Variants in SDR16C5 observed in about 807,000 individuals in gnomAD.
SDR16C5 encodes short chain dehydrogenase/reductase family 16C member 5, also known as epidermal retinol dehydrogenase 2.
In SDR16C5, 20 loss-of-function variants were observed where a neutral mutation model predicts 27.7. The ratio of observed to expected loss-of-function variants is 0.72; its 90% CI spans 0.51 to 1.05. The LOEUF (loss-of-function observed/expected upper bound fraction) is 1.05. SDR16C5 is among the 50% of genes least tolerant of loss of function. The pLI, the probability that SDR16C5 is intolerant of heterozygous loss-of-function variation, is 0.00. For missense variants in SDR16C5, 374 were observed against 366.3 expected (o/e 1.02, Z -0.17); for synonymous variants, 139 against 132.3 (o/e 1.05, Z -0.35).
At chr8:56,311,229 T>C (rs1231486928) in intron 3 of SDR16C5, among the ~76,000 whole-genome samples, 1 of 152,012 alleles carries the variant, frequency 6.6e-6, no homozygotes, top group Non-Finnish European at 1.5e-5. Flanking sequence ...GCTTGGCCAA[T>C]GTGGTGAAAC....
intron 3 of SDR16C5, among the ~76,000 whole-genome samples, chr8:56,309,825 T>C (rs1283407800): frequency 1.3e-5 from 2 of 152,072 alleles, no homozygotes; most frequent in Non-Finnish European, 2.9e-5. Context: ...GGGTCTGCCA[T>C]GAGTTGGGAC....
chr8:56,315,180 G>T (rs1415079260), intron 2 of SDR16C5, among the ~76,000 whole-genome samples: 1 of 152,006 alleles, frequency 6.6e-6, no homozygotes, highest in Non-Finnish European at 1.5e-5. Flanking sequence ...AGGAGACAGA[G>T]GTTGTGGTGA....
chr8:56,301,462 T>C lies in SDR16C5; in HGVS notation c.*18A>G. 2 of 1,568,058 alleles carry C rather than the reference T, an allele frequency of 1.3e-6. No individual in the cohort carries two copies. Among genetic ancestry groups the C allele is most frequent in the Non-Finnish European group, 8.8e-7 (1 of 1,138,046 alleles). On this transcript the variant is annotated 3_prime_UTR_variant, in exon 7 of 7. Transcript: ENST00000303749. ...TGTAACACTGTGTATCAGATGACCT[T>C]AGCCATAGAGTTGGTCTTTAGAGCT...
intron 2 of SDR16C5, among the ~76,000 whole-genome samples, chr8:56,312,786 T>G (rs915163108): frequency 6.6e-6 from 1 of 151,340 alleles, no homozygotes; most frequent in Non-Finnish European, 1.5e-5. Context: ...AGTTTTTTTT[T>G]TTTTTTTTGA....
rs923478032 is a variant in SDR16C5 at position 56,320,078 on chromosome 8, T to C, written c.-34A>G. Reference sequence around the variant, plus strand: ...ACTTACCCAGGACACTCTCCCTAGCTGTCCGCGGAGAAGCCGGCCTCGTCT... The same window carrying C: ...ACTTACCCAGGACACTCTCCCTAGCCGTCCGCGGAGAAGCCGGCCTCGTCT... On this transcript the variant is annotated 5_prime_UTR_variant, in exon 1 of 7. Transcript: ENST00000303749. 1 of 152,310 alleles carries C rather than the reference T, an allele frequency of 6.6e-6. No homozygotes were observed. The highest frequency in any genetic ancestry group is 1.5e-5 in the Non-Finnish European group (1 of 68,138). The allele number at this position is 152,310 out of a possible 1,614,324, so 9.4% of individuals were successfully genotyped here.
chr8:56,305,597 C>T lies in SDR16C5; in HGVS notation c.836G>A (p.Ser279Asn), dbSNP rs2129257508. ...AAGTAATAGAAGCTGATGTAATTAC[C>T]TTTTAAGAAACATCATGAAGTATAA... ...KLLYFMMFLK[S>N]FLPLKTGLLI... Residue 279 changes from serine to asparagine, a missense_variant and splice_region_variant, in exon 6 of 7, where the codon AGC becomes AAC. Coordinates refer to ENST00000303749, the MANE Select transcript of SDR16C5 (RefSeq NM_138969.4). 1 of 1,578,448 alleles carries T rather than the reference C, an allele frequency of 6.3e-7. No homozygotes were observed. Among genetic ancestry groups the T allele is most frequent in the Non-Finnish European group, 8.6e-7 (1 of 1,168,968 alleles).
In SDR16C5 at chr8:56,306,763, GT is replaced by G; in HGVS notation, c.622del (p.Thr208HisfsTer19). The G allele has an allele frequency of 1.2e-6, 2 of 1,613,366 alleles. No homozygotes were observed. The highest frequency in any genetic ancestry group is 1.7e-6 in the Non-Finnish European group (2 of 1,179,828). ...GATCCCCTTTTGTTTTTGGACAAAT[GT>G]TTCTACAAATACAGATTCAGCAAAC... ...FGFAESVFVE[T>X]FVQKQKGIKT... On this transcript the variant is annotated frameshift_variant, in exon 5 of 7. Transcript: ENST00000303749. LOFTEE classifies it high-confidence loss of function.
chr8:56,315,358 ATC>A (rs1485648502), intron 2 of SDR16C5, among the ~76,000 whole-genome samples: 1 of 152,188 alleles, frequency 6.6e-6, no homozygotes, highest in Non-Finnish European at 1.5e-5. Flanking sequence ...TTATGTGTGT[ATC>A]TGTATAAACC....
intron 1 of SDR16C5, among the ~76,000 whole-genome samples, chr8:56,316,742 G>A (rs190324694): frequency 2.2e-4 from 34 of 152,282 alleles, no homozygotes; most frequent in Non-Finnish European, 4.0e-4. Context: ...TATGTTCAAA[G>A]TCTTGACCAC....
chr8:56,314,963 G>A (rs1404505659), intron 2 of SDR16C5, among the ~76,000 whole-genome samples: 3 of 152,258 alleles, frequency 2.0e-5, no homozygotes, highest in African/African-American at 4.8e-5. Context: ...AAAATCCTTA[G>A]GACGGGCACA....
At chr8:56,319,196 C>G (rs556132541) in intron 1 of SDR16C5, among the ~76,000 whole-genome samples, 61 of 151,030 alleles carry the variant, frequency 4.0e-4, no homozygotes, top group Non-Finnish European at 1.2e-4. Context: ...GGAGGGGGTG[C>G]AAGAGGAGCT....
Position 56,309,074 on chromosome 8 carries a change from A to AAAC in SDR16C5, c.466-48_466-47insGTT, listed in dbSNP as rs879469956. On this transcript the variant is annotated intron_variant, in intron 3 of 6. Coordinates refer to ENST00000303749, the MANE Select transcript of SDR16C5 (RefSeq NM_138969.4). ...TTTAATGTTTAATGCCACATTGTAT[A>AAAC]ATTTTCTCAGATATTTATATACTCA... is the stretch of plus-strand genomic sequence containing the variant. 2.2e-6 allele frequency: 3 copies of AAAC among 1,391,634 alleles called. No individual in the cohort carries two copies. The Admixed American group carries it at 6.5e-5, about 30-fold the overall frequency. 86.2% of individuals were successfully genotyped at this position (1,391,634 alleles called of 1,614,324 possible).
intron 1 of SDR16C5, among the ~76,000 whole-genome samples, chr8:56,319,113 C>T (rs1039943107): frequency 2.5e-4 from 27 of 108,596 alleles, no homozygotes; most frequent in Non-Finnish European, 4.0e-4. Flanking sequence ...GTGAAACCTT[C>T]GAACAAATTA....
chr8:56,301,660 G>T, intron 6 of SDR16C5, 87 bp from the exon 7 acceptor site: 1 of 971,578 alleles, frequency 1.0e-6, no homozygotes, highest in Non-Finnish European at 1.6e-6. Context: ...GTCACCTCTT[G>T]TGGCAGATGA....
At position 56,320,130 on chromosome 8, in the gene SDR16C5, G is replaced by C. The variant is rs947483784; in HGVS notation, c.-86C>G. 6.6e-6 allele frequency: 1 copy of C among 152,268 alleles called. No homozygotes were observed. Among genetic ancestry groups the C allele is most frequent in the African/African-American group, 2.4e-5 (1 of 41,458 alleles). 9.4% of individuals were successfully genotyped at this position (152,268 alleles called of 1,614,324 possible). On this transcript the variant is annotated 5_prime_UTR_variant, in exon 1 of 7. Coordinates refer to ENST00000303749, the MANE Select transcript of SDR16C5 (RefSeq NM_138969.4). ...CCCCAGGCACCCGAGTCCCTGGCTC[G>C]GAGCTCAGTCAGGTTCAGGTGTTTA...
chr8:56,303,720 T>C (rs1199727106), intron 6 of SDR16C5, among the ~76,000 whole-genome samples: 1 of 152,224 alleles, frequency 6.6e-6, no homozygotes, highest in Non-Finnish European at 1.5e-5. Context: ...ATAACTAGTA[T>C]TGCATAAAAC....
At position 56,305,626 on chromosome 8, in the gene SDR16C5, C is replaced by T; in HGVS notation, c.807G>A (p.Lys269=). 1 of 1,592,708 alleles carries T rather than the reference C, an allele frequency of 6.3e-7. No homozygotes were observed. Among genetic ancestry groups the T allele is most frequent in the Non-Finnish European group, 8.5e-7 (1 of 1,173,930 alleles). The change falls in exon 6 of 7, where the codon AAG becomes AAA. Residue 269 remains lysine, a synonymous_variant. Transcript: ENST00000303749. ...LQEKMYLYMP[K]LLYFMMFLKS... is the part of the protein sequence containing the mutation. Reference sequence around the variant, plus strand: ...TAAGAAACATCATGAAGTATAACAACTTTGGCATATACAAGTACATTTTTT... The same window carrying T: ...TAAGAAACATCATGAAGTATAACAATTTTGGCATATACAAGTACATTTTTT...
Position 56,316,046 on chromosome 8 carries a change from T to G in SDR16C5, c.302A>C (p.Gln101Pro), listed in dbSNP as rs753445327. The change falls in exon 2 of 7, where the codon CAA (glutamine) becomes CCA (proline). Residue 101 changes from glutamine (Q) to proline (P), a missense_variant. Gln to Pro is a moderately conservative substitution (Grantham distance 76, BLOSUM62 -1). Coordinates refer to ENST00000303749, the MANE Select transcript of SDR16C5 (RefSeq NM_138969.4). Reference sequence around the variant, plus strand: ...GGCTACTCTATACACTCCTTCCTTTTGGCTGCAATCGCAGGTATAGGCGTG... The same window carrying G: ...GGCTACTCTATACACTCCTTCCTTTGGGCTGCAATCGCAGGTATAGGCGTG... ...RVHAYTCDCSQKEGVYRVADQ... is the reference protein window; with the variant it reads ...RVHAYTCDCSPKEGVYRVADQ... 5 of 1,614,112 alleles carry G rather than the reference T, an allele frequency of 3.1e-6. No homozygotes were observed. The East Asian group carries it at 8.9e-5, about 29-fold the overall frequency.
At chr8:56,314,227 C>G (rs573104169) in intron 2 of SDR16C5, among the ~76,000 whole-genome samples, 1 of 151,846 alleles carries the variant, frequency 6.6e-6, no homozygotes, top group East Asian at 1.9e-4. Flanking sequence ...TTATCTGGTA[C>G]TTTCCTTTCT....
Sources: gnomAD v4.1 joint callset for allele counts (sites outside exome capture counted in the v4.1 genomes callset) on GRCh38, gnomAD v4.1.1 for gene constraint, MANE v1.5 for transcripts, NCBI Gene and HGNC (gene_info 2026-07-23, HGNC 2026-07-21) for gene names.